The following ABCA1 variants were observed in gnomAD, a reference collection of about 807,000 sequenced individuals.
ABCA1 encodes the protein ATP binding cassette subfamily A member 1, also known as phospholipid-transporting ATPase ABCA1.
A neutral mutation model predicts 262.5 loss-of-function variants in ABCA1; 133 were observed. The ratio of observed to expected loss-of-function variants is 0.51; its 90% CI spans 0.44 to 0.59. The LOEUF (loss-of-function observed/expected upper bound fraction) is 0.59, where lower values mean the gene tolerates loss of function less well. Ranked by LOEUF, ABCA1 falls within the 20% of genes least tolerant of loss-of-function variation. ABCA1 has a pLI of 0.00. For synonymous variants in ABCA1, 1,022 were observed against 1,043.5 expected (o/e 0.98, Z 0.40); for missense variants, 2,452 against 2,777.5 (o/e 0.88, Z 2.63).
intron 37 of ABCA1, among the ~76,000 whole-genome samples, chr9:104,797,358 T>G (rs1187811416): frequency 1.3e-5 from 2 of 152,194 alleles, no homozygotes; most frequent in Non-Finnish European, 2.9e-5. Flanking sequence ...AATGAATTTG[T>G]ATAGAATGAA....
At chr9:104,896,711 CTTTTTTTTTTTTTTT>C (rs56710442) in intron 2 of ABCA1, among the ~76,000 whole-genome samples, 36 of 37,010 alleles carry the variant, frequency 9.7e-4, no homozygotes, top group Admixed American at 5.4e-3. Context: ...CCCTACACAT[CTTTTTTTTTTTTTTT>C]TTTTTTTTTT....
At position 104,824,575 on chromosome 9, in the gene ABCA1, T is replaced by C. The variant is rs372143890; in HGVS notation, c.2546A>G (p.Gln849Arg). The C allele has an allele frequency of 6.2e-7, 1 of 1,613,456 alleles. No individual in the cohort carries two copies. Among genetic ancestry groups the C allele is most frequent in the Non-Finnish European group, 8.5e-7 (1 of 1,180,012 alleles). ...TWYIEAVFPG[Q>R]YGIPRPWYFP... Reference sequence around the variant, plus strand: ...ATACCAGGGCCTGGGAATTCCGTACTGGCCTGAAAGCAAAGCACAGGTATG... The same window carrying C: ...ATACCAGGGCCTGGGAATTCCGTACCGGCCTGAAAGCAAAGCACAGGTATG... The change falls in exon 18 of 50, where the codon CAG becomes CGG. Residue 849 changes from glutamine (Q) to arginine (R), a missense_variant. By Grantham distance (43) the Gln-to-Arg change is conservative. This residue lies in a region of ABCA1 where 1,032 missense variants were observed against 1,089.7 expected (regional missense o/e 0.95). Coordinates refer to ENST00000374736, the MANE Select transcript of ABCA1 (RefSeq NM_005502.4).
chr9:104,915,812 A>C (rs1467127159), intron 1 of ABCA1, among the ~76,000 whole-genome samples: 2 of 152,180 alleles, frequency 1.3e-5, no homozygotes, highest in Non-Finnish European at 2.9e-5. Flanking sequence ...TCCCCCAAGC[A>C]ACAACGCGCT....
intron 5 of ABCA1, among the ~76,000 whole-genome samples, chr9:104,862,670 G>C (rs1284775600): frequency 0.031 from 48 of 1,570 alleles, 7 homozygotes; most frequent in South Asian, 0.12. Flanking sequence ...GGGCCGGGCC[G>C]GGCCGGGCCG....
intron 1 of ABCA1, among the ~76,000 whole-genome samples, chr9:104,911,896 A>G (rs545352026): frequency 1.3e-5 from 2 of 152,362 alleles, no homozygotes; most frequent in Non-Finnish European, 2.9e-5. Flanking sequence ...GAGGAATTCT[A>G]TCATTCTATA....
intron 1 of ABCA1, among the ~76,000 whole-genome samples, chr9:104,911,344 G>T (rs937475742): frequency 6.6e-6 from 1 of 152,166 alleles, no homozygotes; most frequent in African/African-American, 2.4e-5. Context: ...CTTTGGAAAA[G>T]GTCTGTTCTC....
chr9:104,886,156 T>C (rs1259741733), intron 3 of ABCA1, among the ~76,000 whole-genome samples: 1 of 152,120 alleles, frequency 6.6e-6, no homozygotes, highest in East Asian at 1.9e-4. Flanking sequence ...GGAGTGAATC[T>C]ACCCCAGCAC....
In ABCA1 at chr9:104,871,709, C is replaced by G. The variant is rs144081405; in HGVS notation, c.422-9909G>C. 2.0e-5 allele frequency among the ~76,000 whole-genome samples: 3 copies of G among 152,022 alleles called. No homozygotes were observed. The East Asian group carries it at 5.8e-4, about 29-fold the overall frequency. On this transcript the variant is annotated intron_variant, in intron 5 of 49. Coordinates refer to ENST00000374736, the MANE Select transcript of ABCA1 (RefSeq NM_005502.4). The stretch of plus-strand genomic sequence containing the variant: ...GAGGCAGAAAAATGAGAGAGGACAG[C>G]TGGAAGACAAAAGGAGTGAAAAGAA...
At position 104,884,470 on chromosome 9, in the gene ABCA1, G is replaced by C. The variant is rs1838974381; in HGVS notation, c.259C>G (p.Pro87Ala). The change falls in exon 4 of 50, where the codon CCT (proline) becomes GCT (alanine). Residue 87 changes from proline to alanine, a missense_variant. Physicochemically the swap from Pro to Ala is conservative, Grantham distance 27 (BLOSUM62 -1). Around this residue, in one of 4 missense-constraint regions of ABCA1, gnomAD observed 1,032 missense variants for 1,089.7 expected, o/e 0.95. Coordinates refer to ENST00000374736, the MANE Select transcript of ABCA1 (RefSeq NM_005502.4). ...CCAACAACTCCGGGAGCCTCCCCAG[G>C]AGTCGGGTAACGGAAACAGGGGTTG... Reference protein sequence around the residue: ...ANNPCFRYPTPGEAPGVVGNF... With the variant: ...ANNPCFRYPTAGEAPGVVGNF... The C allele has an allele frequency of 6.2e-7, 1 of 1,614,130 alleles. No individual in the cohort carries two copies. Among genetic ancestry groups the C allele is most frequent in the African/African-American group, 1.3e-5 (1 of 74,940 alleles).
intron 2 of ABCA1, among the ~76,000 whole-genome samples, chr9:104,892,924 A>T (rs111563772): frequency 6.6e-6 from 1 of 152,246 alleles, no homozygotes; most frequent in Non-Finnish European, 1.5e-5. Context: ...ATTATGGTAC[A>T]TGTACTCAAC....
intron 39 of ABCA1, 55 bp downstream of exon 39, chr9:104,795,998 C>T: frequency 6.2e-7 from 1 of 1,610,190 alleles, no homozygotes; most frequent in Non-Finnish European, 8.5e-7. Context: ...AAACACTGTC[C>T]TCTGGCTCCC....
intron 1 of ABCA1, among the ~76,000 whole-genome samples, chr9:104,925,600 G>A (rs1376923967): frequency 2.0e-5 from 3 of 152,096 alleles, no homozygotes; most frequent in Non-Finnish European, 4.4e-5. Flanking sequence ...TGTAGTCATC[G>A]TGAAGGCTGA....
At chr9:104,882,797 T>A (rs1838801212) in intron 5 of ABCA1, among the ~76,000 whole-genome samples, 2 of 152,210 alleles carry the variant, frequency 1.3e-5, no homozygotes, top group South Asian at 4.1e-4. Context: ...GTAGTATTCT[T>A]CCCTGGGGAC....
At chr9:104,913,953 A>T (rs554362410) in intron 1 of ABCA1, among the ~76,000 whole-genome samples, 40 of 134,420 alleles carry the variant, frequency 3.0e-4, no homozygotes, top group South Asian at 1.3e-3. Context: ...CCGCCTGCCA[A>T]CACGCCCGGC....
chr9:104,886,861 T>C (rs1475868626), intron 3 of ABCA1, among the ~76,000 whole-genome samples: 1 of 152,194 alleles, frequency 6.6e-6, no homozygotes, highest in Non-Finnish European at 1.5e-5. Context: ...TTACAGAGAA[T>C]TTCAAACCAG....
chr9:104,814,062 G>A (rs972949381), intron 27 of ABCA1, 56 bp downstream of exon 27: 5 of 1,551,216 alleles, frequency 3.2e-6, no homozygotes, highest in Non-Finnish European at 4.4e-6. Flanking sequence ...GTGAGAGCAT[G>A]AGAGAGAATT....
At chr9:104,872,820 C>T (rs1837746622) in intron 5 of ABCA1, among the ~76,000 whole-genome samples, 1 of 152,230 alleles carries the variant, frequency 6.6e-6, no homozygotes, top group Non-Finnish European at 1.5e-5. Flanking sequence ...AGACACGCAA[C>T]ACTGTTCTTG....
At chr9:104,791,090 A>C in intron 43 of ABCA1, 62 bp from the exon 44 acceptor site, 2 of 1,113,646 alleles carry the variant, frequency 1.8e-6, no homozygotes, top group Non-Finnish European at 2.7e-6. Flanking sequence ...AATGCCCCTA[A>C]CACGTAACTA....
chr9:104,803,282 A>G lies in ABCA1; in HGVS notation c.4592+2T>C. 6.2e-7 allele frequency: 1 copy of G among 1,614,194 alleles called. No individual in the cohort carries two copies. The highest frequency in any genetic ancestry group is 8.5e-7 in the Non-Finnish European group (1 of 1,180,038). On this transcript the variant is annotated splice_donor_variant, in intron 33 of 49. Coordinates refer to ENST00000374736, the MANE Select transcript of ABCA1 (RefSeq NM_005502.4). LOFTEE classifies it high-confidence loss of function. ...AAACGTGCCAGAAAGACAGCAACTTACCTAAACTCATTCACCCAGATCTTG... is the reference window on the plus strand; with the variant it reads ...AAACGTGCCAGAAAGACAGCAACTTGCCTAAACTCATTCACCCAGATCTTG...
Sources: allele counts gnomAD v4.1 joint callset (sites outside exome capture counted in the v4.1 genomes callset), GRCh38; gene constraint gnomAD v4.1.1; regional missense constraint gnomAD v4.1.1; transcripts MANE v1.5; gene names NCBI Gene and HGNC (gene_info 2026-07-23, HGNC 2026-07-21).